Variants in TOP1MT observed in about 807,000 individuals in gnomAD.
TOP1MT encodes the protein DNA topoisomerase I, mitochondrial.
TOP1MT carries 80 observed loss-of-function variants against 73.9 expected under a neutral mutation model. The observed-to-expected ratio is 1.08, with a 90% CI of 0.90 to 1.30. The LOEUF (loss-of-function observed/expected upper bound fraction) is 1.30, where lower values mean the gene tolerates loss of function less well. TOP1MT is among the 50% of genes most tolerant of loss of function. The pLI is 0.00. For missense variants in TOP1MT, 815 were observed against 808.0 expected (o/e 1.01, Z -0.10); for synonymous variants, 338 against 326.4 (o/e 1.04, Z -0.38).
At chr8:143,353,927 G>C (rs927650747) in intron 1 of TOP1MT, among the ~76,000 whole-genome samples, 2 of 116,616 alleles carry the variant, frequency 1.7e-5, no homozygotes, top group African/African-American at 6.8e-5. Context: ...TCGCGCCACT[G>C]CACTCCAGCC....
chr8:143,352,980 A>G (rs1817345561), intron 1 of TOP1MT, among the ~76,000 whole-genome samples: 1 of 152,268 alleles, frequency 6.6e-6, no homozygotes, highest in Non-Finnish European at 1.5e-5. Flanking sequence ...GAACTCAGGT[A>G]AAAGAGATCA....
chr8:143,309,834 T>G (rs1407829153), intron 13 of TOP1MT: 8 of 1,534,002 alleles, frequency 5.2e-6, no homozygotes, highest in Non-Finnish European at 7.0e-6. Context: ...TCCTGATGCC[T>G]CCGAGTCCCA....
intron 1 of TOP1MT, chr8:143,355,878 T>A (rs1307517495): frequency 6.6e-6 from 1 of 152,292 alleles, no homozygotes; most frequent in African/African-American, 2.4e-5. Context: ...CGAAAGCTGA[T>A]CTCACCCTGT....
upstream of TOP1MT, among the ~76,000 whole-genome samples, chr8:143,338,562 G>A (rs562664495): frequency 1.7e-3 from 248 of 148,388 alleles, 9 homozygotes; most frequent in South Asian, 0.048. Context: ...ATGAGACTCC[G>A]TCTCAAAAAA....
chr8:143,347,000 T>TA (rs1817234030), upstream of TOP1MT, among the ~76,000 whole-genome samples: 1 of 151,180 alleles, frequency 6.6e-6, no homozygotes, highest in East Asian at 1.9e-4. Context: ...TTTATTTATT[T>TA]TGAGAGATGG....
In TOP1MT at chr8:143,326,248, T is replaced by C; in HGVS notation, c.457A>G (p.Lys153Glu). ...RYFVDKAAAR[K>E]VLSREEKQKL... ...TGCTTCTCCTCCCTGCTCAGGACTT[T>C]CCGGGCTGCGGCCTTGTCCACAAAG... is the stretch of plus-strand genomic sequence containing the variant. Residue 153 changes from lysine (K) to glutamate (E), a missense_variant, in exon 4 of 14, where the codon AAA (lysine) becomes GAA (glutamate). Coordinates refer to ENST00000329245, the MANE Select transcript of TOP1MT (RefSeq NM_052963.3). The C allele has an allele frequency of 1.2e-6, 2 of 1,614,002 alleles. No individual in the cohort carries two copies. The highest frequency in any genetic ancestry group is 1.7e-6 in the Non-Finnish European group (2 of 1,180,034).
chr8:143,336,177 C>A (rs966071331), upstream of TOP1MT, among the ~76,000 whole-genome samples: 1 of 152,088 alleles, frequency 6.6e-6, no homozygotes, highest in Non-Finnish European at 1.5e-5. Flanking sequence ...TTGTTTTTTA[C>A]TTTTTGTAGA....
At chr8:143,313,402 T>C (rs2129871056) in intron 12 of TOP1MT, among the ~76,000 whole-genome samples, 1 of 150,158 alleles carries the variant, frequency 6.7e-6, no homozygotes, top group Non-Finnish European at 1.5e-5. Context: ...ATACAAAAAT[T>C]AGCCAGGTAT....
At chr8:143,323,656 TGCTCACCACACAC>T in intron 7 of TOP1MT, among the ~76,000 whole-genome samples, 1 of 23,638 alleles carries the variant, frequency 4.2e-5, no homozygotes. Flanking sequence ...GCCACACACA[TGCTCACCACACAC>T]GCACGCCACA....
intron 3 of TOP1MT, 64 bp from the exon 4 acceptor site, chr8:143,326,408 C>T (rs903347051): frequency 6.3e-7 from 1 of 1,598,080 alleles, no homozygotes; most frequent in Non-Finnish European, 8.5e-7. Context: ...AGCGCTCTCG[C>T]CATGTCTGAC....
At chr8:143,342,836 G>C (rs564063104) in intron 2 of TOP1MT, among the ~76,000 whole-genome samples, 6 of 143,600 alleles carry the variant, frequency 4.2e-5, no homozygotes, top group Non-Finnish European at 9.1e-5. Flanking sequence ...CCAGGCTGGA[G>C]TGCAGTGGCG....
chr8:143,321,293 G>A lies in TOP1MT; in HGVS notation c.1054C>T (p.Pro352Ser), dbSNP rs1230541483. 28 of 1,612,520 alleles carry A rather than the reference G, an allele frequency of 1.7e-5. No individual in the cohort carries two copies. The highest frequency in any genetic ancestry group is 2.4e-5 in the Non-Finnish European group (28 of 1,179,260). Residue 352 changes from proline to serine, a missense_variant, in exon 8 of 14, where the codon CCG becomes TCG. This residue lies in a region of TOP1MT where 751 missense variants were observed against 725.4 expected (regional missense o/e 1.04). Transcript: ENST00000329245. The stretch of plus-strand genomic sequence containing the variant: ...ACGTGTTGGCAGCCATCGGCCTCCG[G>A]GTGCAGCTGGACGTGCTCCACGCGG... ...SLRVEHVQLH[P>S]EADGCQHVVE...
At position 143,326,303 on chromosome 8, in the gene TOP1MT, G is replaced by A; in HGVS notation, c.402C>T (p.Asp134=). The part of the protein sequence containing the change: ...VEEREVIKSL[D]KCDFTEIHRY... ...TGTGGATCTCCGTGAAGTCACACTT[G>A]TCCAGGCTCTTGATGACTTCCCTCT... Residue 134 remains aspartate, a synonymous_variant, in exon 4 of 14, where the codon GAC becomes GAT. Coordinates refer to ENST00000329245, the MANE Select transcript of TOP1MT (RefSeq NM_052963.3). 1 of 1,613,992 alleles carries A rather than the reference G, an allele frequency of 6.2e-7. No individual in the cohort carries two copies. The highest frequency in any genetic ancestry group is 8.5e-7 in the Non-Finnish European group (1 of 1,180,004).
chr8:143,347,001 T>TTTA (rs1817234198), upstream of TOP1MT, among the ~76,000 whole-genome samples: 1 of 118,778 alleles, frequency 8.4e-6, no homozygotes, highest in East Asian at 2.4e-4. Flanking sequence ...TTATTTATTT[T>TTTA]GAGAGATGGA....
chr8:143,313,130 G>A (rs1239340143), intron 12 of TOP1MT, among the ~76,000 whole-genome samples: 7 of 152,220 alleles, frequency 4.6e-5, no homozygotes, highest in Admixed American at 3.3e-4. Context: ...CTAAATGTAA[G>A]AGTAAACCAA....
At chr8:143,312,231 G>A (rs1022047448) in intron 12 of TOP1MT, among the ~76,000 whole-genome samples, 9 of 152,146 alleles carry the variant, frequency 5.9e-5, no homozygotes, top group East Asian at 1.9e-4. Flanking sequence ...TATTCAACTC[G>A]TTACCAGTAT....
chr8:143,355,942 G>A (rs527908652), intron 1 of TOP1MT: 1 of 152,366 alleles, frequency 6.6e-6, no homozygotes, highest in Admixed American at 6.5e-5. Context: ...TCTTAGAAGA[G>A]GGATAAAGGG....
intron 2 of TOP1MT, 117 bp from the exon 3 acceptor site, chr8:143,329,588 C>T (rs1816798488): frequency 7.8e-7 from 1 of 1,281,574 alleles, no homozygotes; most frequent in South Asian, 1.4e-5. Context: ...GAGCAAGAAG[C>T]TAGGCCTTCT....
chr8:143,332,033 T>A (rs1211132345), intron 1 of TOP1MT, among the ~76,000 whole-genome samples: 1 of 145,584 alleles, frequency 6.9e-6, no homozygotes, highest in Non-Finnish European at 1.5e-5. Flanking sequence ...GGCGCCCCCT[T>A]CTGGCAAGCC....
Sources: gnomAD v4.1 joint callset for allele counts (sites outside exome capture counted in the v4.1 genomes callset) on GRCh38, gnomAD v4.1.1 for gene constraint, gnomAD v4.1.1 regional missense constraint, MANE v1.5 for transcripts, NCBI Gene and HGNC (gene_info 2026-07-23, HGNC 2026-07-21) for gene names.